Variants in ADGRV1 observed in about 807,000 individuals in gnomAD.
ADGRV1 encodes G-protein coupled receptor 98.
ADGRV1 carries 359 observed loss-of-function variants against 596.2 expected under a neutral mutation model. The observed-to-expected ratio is 0.60, with a 90% confidence interval of 0.55 to 0.66. The LOEUF (loss-of-function observed/expected upper bound fraction) is 0.66, where lower values mean the gene tolerates loss of function less well. Among genes scored for constraint, ADGRV1 ranks in the 30% least tolerant of loss-of-function variants. The pLI is 0.00. For synonymous variants in ADGRV1, 2,681 were observed against 2,679.2 expected, an observed-to-expected ratio of 1.00 and a Z score of -0.02; for missense variants, 7,274 against 7,575.6, an observed-to-expected ratio of 0.96 and a Z score of 1.48.
intron 86 of ADGRV1, among the ~76,000 whole-genome samples, chr5:91,083,501 C>T (rs184951111): frequency 2.0e-5 from 3 of 152,048 alleles, no homozygotes; most frequent in African/African-American, 7.2e-5. Flanking sequence ...GACGTTTTTA[C>T]AATATGTTGT....
At chr5:90,953,818 A>G (rs1201393271) in intron 83 of ADGRV1, among the ~76,000 whole-genome samples, 1 of 152,114 alleles carries the variant, frequency 6.6e-6, no homozygotes, top group Non-Finnish European at 1.5e-5. Flanking sequence ...GAAATGGTGC[A>G]AAGAACAGCA....
rs550427937 is a variant in ADGRV1 at position 90,782,822 on chromosome 5, G to C, written c.13232-302G>C. ...TTTGTATCCATCTAACATTGTCTTA[G>C]AAAGCAAGGATCATTTGTTTTTATG... On this transcript the variant is annotated intron_variant, in intron 65 of 89. Coordinates refer to ENST00000405460, the MANE Select transcript of ADGRV1 (RefSeq NM_032119.4). 9.3e-5 allele frequency among the ~76,000 whole-genome samples: 14 copies of C among 151,146 alleles called. No individual in the cohort carries two copies. The South Asian group carries it at 1.9e-3, about 20-fold the overall frequency.
chr5:90,725,514 T>G, intron 47 of ADGRV1, 35 bp from the exon 48 acceptor site: 1 of 1,121,718 alleles, frequency 8.9e-7, no homozygotes, highest in Non-Finnish European at 1.4e-6. Context: ...AGTTCAACTC[T>G]CCTTTAAGTT....
chr5:90,874,584 G>A (rs116647569), intron 83 of ADGRV1, among the ~76,000 whole-genome samples: 1,646 of 151,886 alleles, frequency 0.011, 32 homozygotes, highest in African/African-American at 0.037. Context: ...GGTTAAGGCC[G>A]CGTGCGGTGG....
chr5:90,563,363 C>T (rs1420315715), intron 1 of ADGRV1, among the ~76,000 whole-genome samples: 1 of 152,212 alleles, frequency 6.6e-6, no homozygotes, highest in East Asian at 1.9e-4. Flanking sequence ...AGCCTTCTCT[C>T]CAGCATAGTT....
intron 27 of ADGRV1, 59 bp from the exon 28 acceptor site, chr5:90,683,527 C>A: frequency 1.5e-6 from 2 of 1,326,108 alleles, no homozygotes; most frequent in South Asian, 1.5e-5. Context: ...ATTTATAAGC[C>A]TCTAAGTAAC....
intron 85 of ADGRV1, among the ~76,000 whole-genome samples, chr5:91,026,949 C>G (rs763590748): frequency 6.6e-6 from 1 of 151,804 alleles, no homozygotes; most frequent in Non-Finnish European, 1.5e-5. Flanking sequence ...CGAGACCAAC[C>G]GGGCTAACAT....
rs781252270 is a variant in ADGRV1, at chr5:90,729,655, A to G, written c.10440A>G (p.Ser3480=). The G allele has an allele frequency of 2.5e-6, 4 of 1,605,424 alleles. No homozygotes were observed. In the East Asian group the frequency reaches 8.9e-5, roughly 36 times the overall value. ...AENVFLGDQN[S]IDIFIWEMGQ... Reference sequence around the variant, plus strand: ...TCATTATTGCAGGAGATCAGAATTCAATTGATATTTTCATCTGGGAGATGG... The same window carrying G: ...TCATTATTGCAGGAGATCAGAATTCGATTGATATTTTCATCTGGGAGATGG... The change falls in exon 50 of 90, where the codon TCA becomes TCG. Residue 3480 remains serine, a synonymous_variant. Transcript: ENST00000405460.
At chr5:90,862,506 ACTCCAG>A (rs1767702226) in intron 82 of ADGRV1, among the ~76,000 whole-genome samples, 1 of 152,042 alleles carries the variant, frequency 6.6e-6, no homozygotes, top group Non-Finnish European at 1.5e-5. Context: ...CTGAGCATCA[ACTCCAG>A]TAGTATATAG....
intron 60 of ADGRV1, among the ~76,000 whole-genome samples, chr5:90,774,918 T>C (rs1369758165): frequency 6.6e-6 from 1 of 152,206 alleles, no homozygotes; most frequent in Non-Finnish European, 1.5e-5. Context: ...ATGTGTCATA[T>C]TATGTTTAGC....
At chr5:91,021,168 C>T (rs1157799279) in intron 85 of ADGRV1, among the ~76,000 whole-genome samples, 1 of 151,990 alleles carries the variant, frequency 6.6e-6, no homozygotes. Context: ...CTTTGAATTG[C>T]TAAAGGAAAA....
At chr5:90,995,954 G>T (rs1466131120) in intron 85 of ADGRV1, among the ~76,000 whole-genome samples, 2 of 152,198 alleles carry the variant, frequency 1.3e-5, no homozygotes, top group Non-Finnish European at 2.9e-5. Flanking sequence ...GAATGTTCAA[G>T]ATGTGACCTG....
chr5:90,668,217 C>G (rs1355102555), intron 21 of ADGRV1, among the ~76,000 whole-genome samples: 6 of 151,522 alleles, frequency 4.0e-5, no homozygotes, highest in South Asian at 2.1e-4. Flanking sequence ...GCCTCGCTGC[C>G]GCCTTGCAGT....
chr5:90,766,217 A>G (rs1254584032), intron 59 of ADGRV1, among the ~76,000 whole-genome samples: 1 of 152,038 alleles, frequency 6.6e-6, no homozygotes, highest in Non-Finnish European at 1.5e-5. Context: ...TCTATAGTCA[A>G]ATTTTTAAGT....
chr5:91,091,719 C>T (rs1790399880), intron 86 of ADGRV1: 1 of 148,440 alleles, frequency 6.7e-6, no homozygotes, highest in Non-Finnish European at 1.5e-5. Context: ...AGTTTTAGTT[C>T]GAAAGCCTGA....
chr5:90,994,119 A>G (rs115350434), intron 85 of ADGRV1, among the ~76,000 whole-genome samples: 2,424 of 151,222 alleles, frequency 0.016, 76 homozygotes, highest in African/African-American at 0.056. Context: ...CTGGAGTGCA[A>G]TGACATGGTC....
At chr5:90,907,691 C>T (rs1279760183) in intron 83 of ADGRV1, among the ~76,000 whole-genome samples, 1 of 152,020 alleles carries the variant, frequency 6.6e-6, no homozygotes, top group African/African-American at 2.4e-5. Context: ...ACTTTCTGGA[C>T]TTGATTAGGT....
At chr5:90,888,852 C>G (rs1168805513) in intron 83 of ADGRV1, among the ~76,000 whole-genome samples, 2 of 152,092 alleles carry the variant, frequency 1.3e-5, no homozygotes, top group Non-Finnish European at 2.9e-5. Context: ...TGTATTTTTA[C>G]TATTCCTGCA....
chr5:90,773,943 A>G lies in ADGRV1; in HGVS notation c.12286-243A>G, dbSNP rs150213078. Among the ~76,000 whole-genome samples the G allele has an allele frequency of 1.3e-4, 20 of 152,176 alleles. 1 individual carries two copies. The East Asian group carries it at 3.7e-3, about 28-fold the overall frequency. On this transcript the variant is annotated intron_variant, in intron 59 of 89. Transcript: ENST00000405460. The stretch of plus-strand genomic sequence containing the variant: ...AAAGATTGGATTTTCAACGGTTAAC[A>G]TTTTTCAGTAAATTTAGGGGTTGTA...
Sources: allele counts gnomAD v4.1 joint callset (sites outside exome capture counted in the v4.1 genomes callset), GRCh38; gene constraint gnomAD v4.1.1; transcripts MANE v1.5; gene names NCBI Gene and HGNC (gene_info 2026-07-23, HGNC 2026-07-21).